GRID2: variants seen among roughly 807,000 people sequenced by gnomAD.
GRID2 encodes glutamate receptor ionotropic, delta-2.
In GRID2, 33 loss-of-function variants were observed where a neutral mutation model predicts 114.8. The observed-to-expected ratio is 0.29, with a 90% CI of 0.22 to 0.38. The LOEUF (loss-of-function observed/expected upper bound fraction) is 0.38. Ranked by LOEUF, GRID2 falls within the 10% of genes least tolerant of loss-of-function variation. The pLI is 1.00. For missense variants in GRID2, 1,184 were observed against 1,257.7 expected (o/e 0.94, Z 0.89); for synonymous variants, 505 against 449.9 (o/e 1.12, Z -1.55).
chr4:92,379,871 A>T (rs1330339781), intron 1 of GRID2, among the ~76,000 whole-genome samples: 1 of 152,006 alleles, frequency 6.6e-6, no homozygotes, highest in African/African-American at 2.4e-5. Context: ...TTTAAATTAT[A>T]TATAGGTATT....
intron 14 of GRID2, among the ~76,000 whole-genome samples, chr4:93,679,831 A>T (rs1424944787): frequency 2.6e-5 from 4 of 151,114 alleles, no homozygotes. Context: ...AGCAGGAAAG[A>T]TCCAAAATTG....
intron 14 of GRID2, among the ~76,000 whole-genome samples, chr4:93,681,809 C>A (rs1725573866): frequency 6.6e-6 from 1 of 152,128 alleles, no homozygotes; most frequent in Admixed American, 6.5e-5. Context: ...ACATGTTAGA[C>A]CTAAAACCAT....
intron 8 of GRID2, among the ~76,000 whole-genome samples, chr4:93,359,030 C>G (rs1010697316): frequency 2.0e-5 from 3 of 152,054 alleles, no homozygotes; most frequent in Admixed American, 2.0e-4. Context: ...TTCTGCTGAA[C>G]TGGATCAGGT....
rs930813183 is a variant in GRID2, at chr4:93,233,342, T to A, written c.1126-5029T>A. On this transcript the variant is annotated intron_variant, in intron 7 of 15. Coordinates refer to ENST00000282020, the MANE Select transcript of GRID2 (RefSeq NM_001510.4). ...ATTATTATTATTATTATTATTTTTT[T>A]TTTTATTTTTTATTTTTTGAGATGG... Among the ~76,000 whole-genome samples, 91 of 150,648 alleles carry A rather than the reference T, an allele frequency of 6.0e-4. 1 individual carries two copies. In the South Asian group the frequency reaches 0.017, roughly 28 times the overall value.
rs946781317 is a variant in GRID2 at position 93,646,421 on chromosome 4, T to A, written c.2360+19986T>A. On this transcript the variant is annotated intron_variant, in intron 14 of 15. Coordinates refer to ENST00000282020, the MANE Select transcript of GRID2 (RefSeq NM_001510.4). ...GTTTAAGGAATGACTAGGAGGCCAA[T>A]GTTGACTCAAAGAGAGGGAACAAAC... Among the ~76,000 whole-genome samples, 4 of 152,090 alleles carry A rather than the reference T, an allele frequency of 2.6e-5. No individual in the cohort carries two copies. The East Asian group carries it at 7.7e-4, about 29-fold the overall frequency.
chr4:92,677,101 G>A (rs1162756374), intron 2 of GRID2, among the ~76,000 whole-genome samples: 1 of 152,196 alleles, frequency 6.6e-6, no homozygotes. Flanking sequence ...ATTGGTGGCT[G>A]CCAGGGGTTG....
intron 1 of GRID2, among the ~76,000 whole-genome samples, chr4:92,531,249 T>C (rs1579527640): frequency 6.6e-6 from 1 of 152,172 alleles, no homozygotes; most frequent in Non-Finnish European, 1.5e-5. Flanking sequence ...AAAATATGCA[T>C]AATTAGGAGG....
chr4:93,114,319 C>G (rs560844879), intron 4 of GRID2, among the ~76,000 whole-genome samples: 3 of 152,106 alleles, frequency 2.0e-5, no homozygotes, highest in Admixed American at 2.0e-4. Context: ...TCAATTTCAA[C>G]TGATATGATC....
chr4:93,015,306 C>A (rs1722572268), intron 2 of GRID2, among the ~76,000 whole-genome samples: 1 of 151,956 alleles, frequency 6.6e-6, no homozygotes, highest in African/African-American at 2.4e-5. Flanking sequence ...CTTGAGAAAG[C>A]AATGTTCTGA....
At chr4:92,682,504 T>C (rs982620669) in intron 2 of GRID2, among the ~76,000 whole-genome samples, 1 of 152,186 alleles carries the variant, frequency 6.6e-6, no homozygotes, top group African/African-American at 2.4e-5. Context: ...TATACTTCCA[T>C]TTCATATCTT....
intron 2 of GRID2, among the ~76,000 whole-genome samples, chr4:92,771,826 C>G (rs1046340498): frequency 1.4e-4 from 22 of 152,162 alleles, no homozygotes; most frequent in African/African-American, 5.1e-4. Context: ...AATGCCTTTT[C>G]TGTGATGAAA....
At chr4:93,340,818 A>G (rs779380961) in intron 8 of GRID2, among the ~76,000 whole-genome samples, 5 of 152,134 alleles carry the variant, frequency 3.3e-5, no homozygotes, top group Non-Finnish European at 5.9e-5. Context: ...ATTGAATGGT[A>G]AATACCTGGC....
At chr4:92,851,947 C>A (rs2149423793) in intron 2 of GRID2, among the ~76,000 whole-genome samples, 1 of 151,986 alleles carries the variant, frequency 6.6e-6, no homozygotes, top group Admixed American at 6.6e-5. Flanking sequence ...TGCAAGAAAT[C>A]AATTCGTAAA....
chr4:93,257,997 TATACACACAC>T (rs1208891527), intron 8 of GRID2, among the ~76,000 whole-genome samples: 62 of 16,628 alleles, frequency 3.7e-3, no homozygotes, highest in African/African-American at 0.016. Context: ...TATATATATA[TATACACACAC>T]ACACACACAC....
intron 1 of GRID2, among the ~76,000 whole-genome samples, chr4:92,585,912 T>C (rs1490701723): frequency 6.6e-6 from 1 of 151,944 alleles, no homozygotes; most frequent in Non-Finnish European, 1.5e-5. Context: ...AACATGCAAG[T>C]ACATTTTCAA....
Position 92,720,881 on chromosome 4 carries a change from A to C in GRID2, c.244+130595A>C, listed in dbSNP as rs570995150. 2.0e-5 allele frequency among the ~76,000 whole-genome samples: 3 copies of C among 152,268 alleles called. No individual in the cohort carries two copies. The South Asian group carries it at 6.2e-4, about 32-fold the overall frequency. ...TGTTCATAGCAGCATTATTTACAAT[A>C]GACAAAACATGTAAATAGCCCAAAT... is the stretch of plus-strand genomic sequence containing the variant. On this transcript the variant is annotated intron_variant, in intron 2 of 15. Transcript: ENST00000282020.
intron 1 of GRID2, among the ~76,000 whole-genome samples, chr4:92,485,168 G>C (rs1165766399): frequency 1.3e-5 from 2 of 150,758 alleles, no homozygotes; most frequent in African/African-American, 4.9e-5. Flanking sequence ...TCCTAATCCT[G>C]GAGGATGACA....
At chr4:93,426,523 G>C (rs1580050997) in intron 10 of GRID2, among the ~76,000 whole-genome samples, 1 of 152,068 alleles carries the variant, frequency 6.6e-6, no homozygotes, top group East Asian at 1.9e-4. Flanking sequence ...TTAGTATGTT[G>C]ATGTTGTTTT....
chr4:93,181,840 G>A lies in GRID2; in HGVS notation c.736-25564G>A, dbSNP rs146903506. Reference sequence around the variant, plus strand: ...CCTGAAGATGTAAAGATTCCTCATAGTAGCTGGTGAATTAATGAATTGATT... The same window carrying A: ...CCTGAAGATGTAAAGATTCCTCATAATAGCTGGTGAATTAATGAATTGATT... On this transcript the variant is annotated intron_variant, in intron 4 of 15. Transcript: ENST00000282020. 4.2e-3 allele frequency among the ~76,000 whole-genome samples: 634 copies of A among 152,230 alleles called. 8 individuals are homozygous for A. The highest frequency in any genetic ancestry group is 0.015 in the African/African-American group (611 of 41,552).
Sources: gnomAD v4.1 joint callset for allele counts (sites outside exome capture counted in the v4.1 genomes callset) on GRCh38, gnomAD v4.1.1 for gene constraint, MANE v1.5 for transcripts, NCBI Gene and HGNC (gene_info 2026-07-23, HGNC 2026-07-21) for gene names.